The following SLC35F1 variants were observed in gnomAD, a reference collection of about 807,000 sequenced individuals.
The protein encoded by SLC35F1 is chromosome 6 open reading frame 169.
SLC35F1 carries 14 observed loss-of-function variants against 48.7 expected under a neutral mutation model. The observed-to-expected ratio is 0.29, with a 90% CI of 0.19 to 0.45. The LOEUF (loss-of-function observed/expected upper bound fraction) is 0.45. Among genes scored for constraint, SLC35F1 ranks in the 20% least tolerant of loss-of-function variants. SLC35F1 has a pLI of 1.00. For missense variants in SLC35F1, 404 were observed against 500.0 expected (o/e 0.81, Z 1.83); for synonymous variants, 190 against 202.2 (o/e 0.94, Z 0.51).
At chr6:117,968,804 G>T (rs987888887) in intron 1 of SLC35F1, among the ~76,000 whole-genome samples, 3 of 152,104 alleles carry the variant, frequency 2.0e-5, no homozygotes, top group Admixed American at 1.3e-4. Flanking sequence ...ATTTGTATAG[G>T]GGTTTCCAGT....
intron 7 of SLC35F1, among the ~76,000 whole-genome samples, chr6:118,294,622 A>G (rs891463456): frequency 2.6e-5 from 4 of 152,212 alleles, no homozygotes; most frequent in Non-Finnish European, 2.9e-5. Context: ...ACTAGAAACT[A>G]ATAGACAAAA....
At chr6:118,127,493 C>T (rs1302410897) in intron 1 of SLC35F1, among the ~76,000 whole-genome samples, 5 of 152,020 alleles carry the variant, frequency 3.3e-5, no homozygotes, top group African/African-American at 7.2e-5. Flanking sequence ...ATGCTGGCCT[C>T]ATAAAATGAG....
chr6:117,966,283 CTCA>C (rs1776568748), intron 1 of SLC35F1, among the ~76,000 whole-genome samples: 1 of 152,190 alleles, frequency 6.6e-6, no homozygotes, highest in Admixed American at 6.5e-5. Context: ...AGATGTAACA[CTCA>C]CGGCAAAGGT....
At chr6:118,245,032 A>G (rs542032466) in intron 3 of SLC35F1, among the ~76,000 whole-genome samples, 15 of 152,354 alleles carry the variant, frequency 9.8e-5, no homozygotes, top group Admixed American at 6.5e-4. Context: ...GTATTCTGCT[A>G]TGGTCTGGAA....
intron 3 of SLC35F1, among the ~76,000 whole-genome samples, chr6:118,237,112 C>T (rs1562335111): frequency 1.3e-5 from 2 of 152,138 alleles, no homozygotes; most frequent in Non-Finnish European, 2.9e-5. Context: ...ATTCTCTATA[C>T]ATTGTCAGTG....
intron 2 of SLC35F1, among the ~76,000 whole-genome samples, chr6:118,169,616 T>C (rs895091599): frequency 1.3e-5 from 2 of 152,170 alleles, no homozygotes; most frequent in African/African-American, 4.8e-5. Context: ...GCGTCTTACC[T>C]GGACTGCTAC....
intron 6 of SLC35F1, among the ~76,000 whole-genome samples, chr6:118,279,731 G>A (rs780580554): frequency 6.6e-6 from 1 of 152,194 alleles, no homozygotes; most frequent in Non-Finnish European, 1.5e-5. Context: ...TCCTTGAGAA[G>A]TCACCCGAGA....
intron 2 of SLC35F1, among the ~76,000 whole-genome samples, chr6:118,200,679 A>G (rs1472221171): frequency 2.6e-5 from 4 of 152,176 alleles, no homozygotes; most frequent in Non-Finnish European, 4.4e-5. Flanking sequence ...GTTATACCCC[A>G]GTGTGTTAGT....
At chr6:117,969,035 A>G (rs1213640501) in intron 1 of SLC35F1, among the ~76,000 whole-genome samples, 1 of 152,180 alleles carries the variant, frequency 6.6e-6, no homozygotes, top group Non-Finnish European at 1.5e-5. Context: ...GTTTTCTTGT[A>G]GGTTGAAAGT....
intron 1 of SLC35F1, among the ~76,000 whole-genome samples, chr6:117,976,481 G>C (rs1008787648): frequency 2.6e-5 from 4 of 151,376 alleles, no homozygotes; most frequent in Admixed American, 2.0e-4. Context: ...TTTGTTCTTT[G>C]TTCAGTTTAA....
chr6:118,194,465 AT>A (rs555458306), intron 2 of SLC35F1, among the ~76,000 whole-genome samples: 34 of 150,078 alleles, frequency 2.3e-4, no homozygotes, highest in South Asian at 1.3e-3. Context: ...GGCCTCATCT[AT>A]TTTTTTTTTC....
At chr6:118,187,467 T>C (rs886085906) in intron 2 of SLC35F1, among the ~76,000 whole-genome samples, 1 of 152,206 alleles carries the variant, frequency 6.6e-6, no homozygotes, top group Non-Finnish European at 1.5e-5. Flanking sequence ...TTTCCTGCAC[T>C]GTTTCACCTT....
chr6:117,921,143 C>T (rs1393472377), intron 1 of SLC35F1, among the ~76,000 whole-genome samples: 1 of 151,860 alleles, frequency 6.6e-6, no homozygotes, highest in Non-Finnish European at 1.5e-5. Context: ...GATGATAGCC[C>T]CCCAACTTTT....
chr6:117,916,198 C>G (rs1775823915), intron 1 of SLC35F1, among the ~76,000 whole-genome samples: 1 of 152,162 alleles, frequency 6.6e-6, no homozygotes, highest in Admixed American at 6.5e-5. Context: ...ATAACTGTAG[C>G]AGTTTGAGAG....
intron 7 of SLC35F1, among the ~76,000 whole-genome samples, chr6:118,299,535 A>G (rs1776231940): frequency 6.6e-6 from 1 of 152,260 alleles, no homozygotes; most frequent in African/African-American, 2.4e-5. Context: ...AATATTTTAA[A>G]ATGTGATGAT....
intron 1 of SLC35F1, among the ~76,000 whole-genome samples, chr6:118,077,182 T>A (rs888299320): frequency 6.6e-6 from 1 of 152,210 alleles, no homozygotes; most frequent in African/African-American, 2.4e-5. Flanking sequence ...CTCAAAGGCA[T>A]CCAGGTGCAA....
intron 1 of SLC35F1, among the ~76,000 whole-genome samples, chr6:118,128,036 T>C (rs1773654272): frequency 6.6e-6 from 1 of 150,676 alleles, no homozygotes; most frequent in Non-Finnish European, 1.5e-5. Context: ...AAGACATTTA[T>C]GCAGCCAAAA....
intron 2 of SLC35F1, among the ~76,000 whole-genome samples, chr6:118,229,127 T>C (rs1775256440): frequency 6.6e-6 from 1 of 151,970 alleles, no homozygotes. Flanking sequence ...CCCTCAACAT[T>C]TATTAGCCAC....
chr6:118,021,721 A>G (rs763804447), intron 1 of SLC35F1, among the ~76,000 whole-genome samples: 2 of 152,194 alleles, frequency 1.3e-5, no homozygotes, highest in Non-Finnish European at 2.9e-5. Flanking sequence ...GACAACAACA[A>G]TTTTATTGGC....
Sources: allele counts gnomAD v4.1 joint callset (sites outside exome capture counted in the v4.1 genomes callset), GRCh38; gene constraint gnomAD v4.1.1; transcripts MANE v1.5; gene names NCBI Gene and HGNC (gene_info 2026-07-23, HGNC 2026-07-21).